Variants in SEPSECS observed in about 807,000 individuals in gnomAD.
The protein encoded by SEPSECS is O-phosphoseryl-tRNA(Sec) selenium transferase.
In SEPSECS, 42 loss-of-function variants were observed where a neutral mutation model predicts 52.1. That is an observed-to-expected ratio of 0.81 (90% CI 0.63 to 1.04). The LOEUF (loss-of-function observed/expected upper bound fraction) is 1.04. Ranked by LOEUF, SEPSECS falls within the 50% of genes least tolerant of loss-of-function variation. SEPSECS has a pLI of 0.00. For missense variants in SEPSECS, 590 were observed against 610.6 expected, an observed-to-expected ratio of 0.97 and a Z score of 0.36; for synonymous variants, 216 against 211.4, an observed-to-expected ratio of 1.02 and a Z score of -0.19.
At chr4:25,129,222 T>C (rs1439849759) in intron 8 of SEPSECS, among the ~76,000 whole-genome samples, 1 of 152,170 alleles carries the variant, frequency 6.6e-6, no homozygotes, top group Non-Finnish European at 1.5e-5. Flanking sequence ...CTGCTACATG[T>C]GATAAGCCTT....
At chr4:25,135,754 C>T (rs556071971) in intron 8 of SEPSECS, among the ~76,000 whole-genome samples, 46 of 151,892 alleles carry the variant, frequency 3.0e-4, no homozygotes, top group African/African-American at 1.1e-3. Flanking sequence ...AAAAAAAAAA[C>T]TTCAGGCCAA....
chr4:25,159,207 C>T, intron 1 of SEPSECS, 100 bp from the exon 2 acceptor site: 3 of 1,035,928 alleles, frequency 2.9e-6, no homozygotes, highest in South Asian at 1.7e-5. Flanking sequence ...TATTTTGCCA[C>T]GCTGCTTGTT....
At chr4:25,153,651 A>T (rs540876152) in intron 5 of SEPSECS, among the ~76,000 whole-genome samples, 52 of 152,140 alleles carry the variant, frequency 3.4e-4, no homozygotes, top group Non-Finnish European at 6.5e-4. Context: ...CTGTATCCAA[A>T]AAATTAAAAG....
In SEPSECS at chr4:25,151,994, A is replaced by T; in HGVS notation, c.770T>A (p.Val257Glu). 6.2e-7 allele frequency: 1 copy of T among 1,600,180 alleles called. No homozygotes were observed. ...GAGATGCATACACTTTGAAGACTGC[A>T]CTCCATAAGCATTATTAACTATATG... ...IPHIVNNAYGVQSSKCMHLIQ... is the reference protein window; with the variant it reads ...IPHIVNNAYGEQSSKCMHLIQ... The change falls in exon 6 of 11, where the codon GTG (valine) becomes GAG (glutamate). Residue 257 changes from valine (V) to glutamate (E), a missense_variant. Coordinates refer to ENST00000382103, the MANE Select transcript of SEPSECS (RefSeq NM_016955.4).
At chr4:25,150,973 G>GTGA (rs1218511761) in intron 6 of SEPSECS, among the ~76,000 whole-genome samples, 1 of 152,120 alleles carries the variant, frequency 6.6e-6, no homozygotes, top group Non-Finnish European at 1.5e-5. Context: ...GGACAACAGA[G>GTGA]TGAGACCCTA....
intron 1 of SEPSECS, chr4:25,159,546 C>G (rs1396946851): frequency 2.4e-6 from 1 of 423,318 alleles, no homozygotes; most frequent in East Asian, 8.7e-5. Flanking sequence ...CCAAGAATGG[C>G]CGATCACTTG....
At chr4:25,146,209 C>A (rs1458039898) in intron 6 of SEPSECS, among the ~76,000 whole-genome samples, 1 of 152,018 alleles carries the variant, frequency 6.6e-6, no homozygotes, top group Non-Finnish European at 1.5e-5. Flanking sequence ...ATATTATAAC[C>A]ATATTTGACC....
At chr4:25,128,792 C>A (rs1279829871) in intron 8 of SEPSECS, among the ~76,000 whole-genome samples, 2 of 151,918 alleles carry the variant, frequency 1.3e-5, no homozygotes, top group Non-Finnish European at 2.9e-5. Context: ...CAGGGGCTAA[C>A]AGAGTACCCA....
At chr4:25,156,811 G>T in intron 3 of SEPSECS, 45 bp downstream of exon 3, 1 of 892,396 alleles carries the variant, frequency 1.1e-6, no homozygotes, top group Non-Finnish European at 1.9e-6. Flanking sequence ...TGGTGTGTGT[G>T]TGTGTCCAGA....
intron 8 of SEPSECS, among the ~76,000 whole-genome samples, chr4:25,132,272 A>G (rs1416421116): frequency 6.6e-6 from 1 of 152,202 alleles, no homozygotes; most frequent in Non-Finnish European, 1.5e-5. Context: ...AATGAAAAAA[A>G]TTCTAAGTTT....
At chr4:25,132,826 C>G (rs1347349684) in intron 8 of SEPSECS, among the ~76,000 whole-genome samples, 4 of 152,264 alleles carry the variant, frequency 2.6e-5, no homozygotes, top group African/African-American at 7.2e-5. Context: ...ATCACTCCCT[C>G]AACAACGGAT....
chr4:25,155,357 A>G, intron 4 of SEPSECS: 1 of 600,216 alleles, frequency 1.7e-6, no homozygotes, highest in Non-Finnish European at 2.9e-6. Flanking sequence ...ACACAATTTT[A>G]GGACCATAAG....
In SEPSECS at chr4:25,160,405, A is replaced by G. The variant is rs1449737628; in HGVS notation, c.-36T>C. On this transcript the variant is annotated 5_prime_UTR_variant, in exon 1 of 11. Coordinates refer to ENST00000382103, the MANE Select transcript of SEPSECS (RefSeq NM_016955.4). ...GCGACAGTGGCGAATAAGCGGGAGC[A>G]CTAGCTCCACACGCCAGACACACGA... 5 of 1,493,786 alleles carry G rather than the reference A, an allele frequency of 3.3e-6. No homozygotes were observed. The Admixed American group carries it at 6.0e-5, about 18-fold the overall frequency. 92.5% of individuals were successfully genotyped at this position (1,493,786 alleles called of 1,614,324 possible). A position where few individuals can be genotyped will look rare whatever the true frequency, so the allele number is the denominator to read the frequency against.
chr4:25,124,211 C>T lies in SEPSECS; in HGVS notation c.1226G>A (p.Gly409Glu). Residue 409 changes from glycine to glutamate, a missense_variant, in exon 11 of 11, where the codon GGG (glycine) becomes GAG (glutamate). Gly to Glu is a moderately conservative substitution (Grantham distance 98). Transcript: ENST00000382103. ...ATAGCCACTCACAGTTTGCATGGAC[C>T]CAAGAGGCACAACCCTGAAAGAAGA... ...QVSGARVVPL[G>E]SMQTVSGYTF... The T allele has an allele frequency of 2.5e-6, 4 of 1,613,224 alleles. No individual in the cohort carries two copies. Among genetic ancestry groups the T allele is most frequent in the Non-Finnish European group, 3.4e-6 (4 of 1,179,592 alleles).
intron 6 of SEPSECS, among the ~76,000 whole-genome samples, chr4:25,150,006 T>A (rs1016692136): frequency 3.3e-5 from 5 of 152,214 alleles, no homozygotes; most frequent in Non-Finnish European, 7.3e-5. Context: ...TAAGCCAACT[T>A]GAGTTGGGTG....
intron 2 of SEPSECS, 139 bp downstream of exon 2, chr4:25,158,814 G>A (rs1198556791): frequency 5.0e-6 from 4 of 800,886 alleles, no homozygotes; most frequent in Non-Finnish European, 8.1e-6. Context: ...GTTGCATTTG[G>A]CTTACATATC....
intron 5 of SEPSECS, among the ~76,000 whole-genome samples, chr4:25,153,498 T>C (rs993313842): frequency 1.3e-5 from 2 of 151,892 alleles, no homozygotes; most frequent in African/African-American, 4.8e-5. Context: ...ATGTATCAAA[T>C]TGTTTTCTAA....
chr4:25,146,373 CCTTCCT>C (rs1340420047), intron 6 of SEPSECS, among the ~76,000 whole-genome samples: 1 of 152,156 alleles, frequency 6.6e-6, no homozygotes, highest in Non-Finnish European at 1.5e-5. Flanking sequence ...CAAATCTTAA[CCTTCCT>C]CTTCCTCTTC....
At chr4:25,155,971 TTTATA>T in intron 4 of SEPSECS, 61 bp downstream of exon 4, 1 of 1,437,856 alleles carries the variant, frequency 7.0e-7, no homozygotes, top group Non-Finnish European at 9.7e-7. Flanking sequence ...TTTATCTATC[TTTATA>T]TAAGAAATCT....
Sources: gnomAD v4.1 joint callset for allele counts (sites outside exome capture counted in the v4.1 genomes callset) on GRCh38, gnomAD v4.1.1 for gene constraint, MANE v1.5 for transcripts, NCBI Gene and HGNC (gene_info 2026-07-23, HGNC 2026-07-21) for gene names.